Variants in DOK5 observed in about 807,000 individuals in gnomAD.
DOK5 encodes downstream of tyrosine kinase 5.
DOK5 carries 27 observed loss-of-function variants against 43.3 expected under a neutral mutation model. The ratio of observed to expected loss-of-function variants is 0.62; its 90% CI spans 0.46 to 0.86. DOK5 has a LOEUF of 0.86. DOK5 is among the 40% of genes least tolerant of loss of function. The probability of loss-of-function intolerance (pLI) is 0.00; values close to 1 mark genes in which losing one functional copy is unlikely to be tolerated. For synonymous variants in DOK5, 146 were observed against 140.1 expected (o/e 1.04, Z -0.30); for missense variants, 373 against 392.9 (o/e 0.95, Z 0.43).
In DOK5 at chr20:54,528,824, A is replaced by G. The variant is rs534420596; in HGVS notation, c.67-26109A>G. The stretch of plus-strand genomic sequence containing the variant: ...CATTTTCTTCTTTATATACTTTTGT[A>G]CTGTTGTATTTTAAAATAATGAGTT... On this transcript the variant is annotated intron_variant, in intron 1 of 7. Coordinates refer to ENST00000262593, the MANE Select transcript of DOK5 (RefSeq NM_018431.5). 2.0e-5 allele frequency among the ~76,000 whole-genome samples: 3 copies of G among 152,284 alleles called. No individual in the cohort carries two copies. The South Asian group carries it at 6.2e-4, about 32-fold the overall frequency.
chr20:54,603,472 C>T (rs181406747), intron 5 of DOK5, among the ~76,000 whole-genome samples: 1 of 152,376 alleles, frequency 6.6e-6, no homozygotes. Context: ...GTTCCCTAAA[C>T]TCGGACACTG....
At chr20:54,605,937 T>A (rs1986455994) in intron 5 of DOK5, among the ~76,000 whole-genome samples, 1 of 152,188 alleles carries the variant, frequency 6.6e-6, no homozygotes, top group Admixed American at 6.5e-5. Context: ...ATTACATTTG[T>A]TTACATATAA....
At chr20:54,617,705 T>C (rs1052768766) in intron 6 of DOK5, among the ~76,000 whole-genome samples, 1 of 152,214 alleles carries the variant, frequency 6.6e-6, no homozygotes, top group Admixed American at 6.5e-5. Flanking sequence ...ACCAGGAGGA[T>C]GAGATCATGG....
chr20:54,607,204 C>T (rs1315191254), intron 5 of DOK5, among the ~76,000 whole-genome samples: 1 of 152,188 alleles, frequency 6.6e-6, no homozygotes, highest in East Asian at 1.9e-4. Flanking sequence ...ACGCGTATTT[C>T]CCCATTCCCC....
chr20:54,482,196 T>C (rs946926144), intron 1 of DOK5, among the ~76,000 whole-genome samples: 1 of 152,248 alleles, frequency 6.6e-6, no homozygotes, highest in Non-Finnish European at 1.5e-5. Context: ...CCTCTTCATG[T>C]AACTCCAATT....
Position 54,533,681 on chromosome 20 carries a change from CA to C in DOK5, c.67-21251del, listed in dbSNP as rs1419452003. ...AAGTTATTTACTCAAAGCAGAATGA[CA>C]GTATTTTTTTTACTTTAATTCTATC... On this transcript the variant is annotated intron_variant, in intron 1 of 7. Coordinates refer to ENST00000262593, the MANE Select transcript of DOK5 (RefSeq NM_018431.5). Among the ~76,000 whole-genome samples, 9 of 152,198 alleles carry C rather than the reference CA, an allele frequency of 5.9e-5. No homozygotes were observed. The South Asian group carries it at 1.7e-3, about 28-fold the overall frequency.
chr20:54,637,988 G>A (rs962242553), intron 6 of DOK5, among the ~76,000 whole-genome samples: 2 of 152,140 alleles, frequency 1.3e-5, no homozygotes, highest in African/African-American at 4.8e-5. Context: ...CAGGCGTGGT[G>A]GCGGGCACCT....
At chr20:54,484,767 A>AC (rs1981862695) in intron 1 of DOK5, among the ~76,000 whole-genome samples, 1 of 152,216 alleles carries the variant, frequency 6.6e-6, no homozygotes, top group African/African-American at 2.4e-5. Flanking sequence ...TCATCCCAGG[A>AC]CTTTGGGAGG....
In DOK5 at chr20:54,631,971, A is replaced by AAAAAC. The variant is rs1393487233; in HGVS notation, c.736-11474_736-11470dup. 2.0e-5 allele frequency among the ~76,000 whole-genome samples: 3 copies of AAAAAC among 152,160 alleles called. No homozygotes were observed. In the East Asian group the frequency reaches 5.8e-4, roughly 29 times the overall value. Reference sequence around the variant, plus strand: ...TGGCAACAGAGCAAGACTCCGTCTCAAAAACAAAACAAAACAACAACAACA... The same window carrying AAAAAC: ...TGGCAACAGAGCAAGACTCCGTCTCAAAAACAAAACAAAACAAAACAACAACAACA... On this transcript the variant is annotated intron_variant, in intron 6 of 7. Coordinates refer to ENST00000262593, the MANE Select transcript of DOK5 (RefSeq NM_018431.5).
chr20:54,642,790 T>G (rs1979186788), intron 6 of DOK5, among the ~76,000 whole-genome samples: 1 of 151,982 alleles, frequency 6.6e-6, no homozygotes, highest in East Asian at 1.9e-4. Context: ...CTAATACAAT[T>G]GAAAAGTCTG....
At chr20:54,633,202 G>A (rs1461059528) in intron 6 of DOK5, among the ~76,000 whole-genome samples, 1 of 152,190 alleles carries the variant, frequency 6.6e-6, no homozygotes, top group Non-Finnish European at 1.5e-5. Context: ...CTTGCCGTTG[G>A]ATAGCTGAAC....
chr20:54,482,829 A>G (rs747758717), intron 1 of DOK5, among the ~76,000 whole-genome samples: 3 of 152,180 alleles, frequency 2.0e-5, no homozygotes, highest in African/African-American at 7.2e-5. Flanking sequence ...AAGTATATGT[A>G]TGCACATGCA....
At position 54,606,421 on chromosome 20, in the gene DOK5, A is replaced by C. The variant is rs1986471733; in HGVS notation, c.600-3967A>C. Among the ~76,000 whole-genome samples the C allele has an allele frequency of 2.6e-5, 4 of 152,358 alleles. No individual in the cohort carries two copies. In the South Asian group the frequency reaches 8.3e-4, roughly 32 times the overall value. On this transcript the variant is annotated intron_variant, in intron 5 of 7. Transcript: ENST00000262593. ...AGAGAAAGGAGGAATCGGGAGCAACAGAAGTTAAAGCAGGTGGCTTTGCTA... is the reference window on the plus strand; with the variant it reads ...AGAGAAAGGAGGAATCGGGAGCAACCGAAGTTAAAGCAGGTGGCTTTGCTA...
chr20:54,558,712 G>C, intron 2 of DOK5, among the ~76,000 whole-genome samples: 1 of 152,156 alleles, frequency 6.6e-6, no homozygotes, highest in Non-Finnish European at 1.5e-5. Context: ...CAATACGGAG[G>C]TGGTGTGGTG....
At chr20:54,590,759 C>T (rs1414679656) in intron 4 of DOK5, among the ~76,000 whole-genome samples, 1 of 152,092 alleles carries the variant, frequency 6.6e-6, no homozygotes, top group Admixed American at 6.5e-5. Flanking sequence ...ATTGTTAATG[C>T]CACATTGTCG....
chr20:54,572,370 G>A (rs1985311275), intron 2 of DOK5, among the ~76,000 whole-genome samples: 1 of 152,024 alleles, frequency 6.6e-6, no homozygotes, highest in Non-Finnish European at 1.5e-5. Context: ...CACCATGTTA[G>A]CCAGGATGGT....
chr20:54,609,313 C>T (rs538391214), intron 5 of DOK5, among the ~76,000 whole-genome samples: 1 of 152,114 alleles, frequency 6.6e-6, no homozygotes, highest in Non-Finnish European at 1.5e-5. Flanking sequence ...GAAGGAGTGG[C>T]GTTGTGTCTT....
chr20:54,512,904 G>A (rs975219141), intron 1 of DOK5, among the ~76,000 whole-genome samples: 6 of 152,260 alleles, frequency 3.9e-5, no homozygotes, highest in East Asian at 1.9e-4. Flanking sequence ...GAAATGTTGC[G>A]TCAACTCTTA....
chr20:54,575,698 C>G (rs1985432350), intron 2 of DOK5, among the ~76,000 whole-genome samples: 1 of 152,204 alleles, frequency 6.6e-6, no homozygotes, highest in Non-Finnish European at 1.5e-5. Flanking sequence ...ACCTTGGCCT[C>G]CCAAGGTGCT....
Sources: gnomAD v4.1 joint callset for allele counts (sites outside exome capture counted in the v4.1 genomes callset) on GRCh38, gnomAD v4.1.1 for gene constraint, MANE v1.5 for transcripts, NCBI Gene and HGNC (gene_info 2026-07-23, HGNC 2026-07-21) for gene names.